Variants in FRMPD4 observed in about 807,000 individuals in gnomAD.
FRMPD4 encodes FERM and PDZ domain-containing protein 4.
In FRMPD4, 22 loss-of-function variants were observed where a neutral mutation model predicts 94.1. The ratio of observed to expected loss-of-function variants is 0.23; its 90% CI spans 0.17 to 0.33. The LOEUF (loss-of-function observed/expected upper bound fraction) is 0.33, where lower values mean the gene tolerates loss of function less well. Ranked by LOEUF, FRMPD4 falls within the 10% of genes least tolerant of loss-of-function variation. The probability of loss-of-function intolerance (pLI) is 1.00; values close to 1 mark genes in which losing one functional copy is unlikely to be tolerated. For synonymous variants in FRMPD4, 631 were observed against 548.6 expected (o/e 1.15, Z -2.10); for missense variants, 1,111 against 1,339.9 (o/e 0.83, Z 2.67).
In FRMPD4 at chrX:11,993,129, T is replaced by C. The variant is rs181104897; in HGVS notation, c.95+115111T>C. Among the ~76,000 whole-genome samples the C allele has an allele frequency of 5.9e-3, 650 of 111,002 alleles. 3 individuals carry two copies. Among genetic ancestry groups the C allele is most frequent in the Non-Finnish European group, 9.0e-3 (478 of 52,877 alleles). On this transcript the variant is annotated intron_variant, in intron 3 of 18. Transcript: ENST00000640291. ...TTAACTGGAGAGAATAGGTTATTTT[T>C]ATATCTTTTTCTAAAACATTAGGCT...
chrX:12,283,446 G>T (rs991085470), intron 1 of FRMPD4, among the ~76,000 whole-genome samples: 6 of 112,191 alleles, frequency 5.3e-5, no homozygotes, highest in African/African-American at 1.9e-4. Context: ...ATAAATTTTA[G>T]CTTAGACAAG....
At chrX:12,156,252 C>G (rs138683625) in intron 1 of FRMPD4, among the ~76,000 whole-genome samples, 1,414 of 111,453 alleles carry the variant, frequency 0.013, 4 homozygotes, top group Non-Finnish European at 0.021. Context: ...TGGATGCTAT[C>G]AATTAGGGTC....
At chrX:12,410,207 C>T (rs1017502981) in intron 1 of FRMPD4, among the ~76,000 whole-genome samples, 12 of 111,367 alleles carry the variant, frequency 1.1e-4, no homozygotes, top group Admixed American at 6.7e-4. Flanking sequence ...TCCCCCTATG[C>T]CACTCCCATT....
chrX:12,680,218 T>C (rs1279232327), intron 5 of FRMPD4, among the ~76,000 whole-genome samples: 1 of 111,862 alleles, frequency 8.9e-6, no homozygotes, highest in Non-Finnish European at 1.9e-5. Context: ...TGTACAGGGG[T>C]TGATTAGGGG....
chrX:12,205,939 G>A (rs2056687507), intron 1 of FRMPD4, among the ~76,000 whole-genome samples: 1 of 112,409 alleles, frequency 8.9e-6, no homozygotes, highest in Non-Finnish European at 1.9e-5. Flanking sequence ...ATTTGGACAT[G>A]TAAATAAGGA....
chrX:12,236,317 CA>C (rs746722172), intron 1 of FRMPD4, among the ~76,000 whole-genome samples: 18 of 111,547 alleles, frequency 1.6e-4, no homozygotes, highest in Non-Finnish European at 2.4e-4. Context: ...AACCCTCAAG[CA>C]TTATAAAAGG....
At chrX:12,441,734 G>T (rs2148123158) in intron 1 of FRMPD4, among the ~76,000 whole-genome samples, 1 of 112,114 alleles carries the variant, frequency 8.9e-6, no homozygotes, top group East Asian at 2.8e-4. Context: ...TATAGAACAA[G>T]GTCTCTCAAT....
intron 2 of FRMPD4, among the ~76,000 whole-genome samples, chrX:12,603,652 T>A (rs777630966): frequency 1.3e-4 from 14 of 111,518 alleles, no homozygotes; most frequent in African/African-American, 4.2e-4. Flanking sequence ...ATCTGTGTGT[T>A]TTTTAGAGAA....
At chrX:12,118,485 C>T (rs1420581047) in intron 3 of FRMPD4, among the ~76,000 whole-genome samples, 1 of 112,272 alleles carries the variant, frequency 8.9e-6, no homozygotes, top group Admixed American at 9.4e-5. Context: ...ATTTCCAAGT[C>T]ACCGTTGGGG....
intron 3 of FRMPD4, among the ~76,000 whole-genome samples, chrX:11,968,687 C>G (rs991830243): frequency 9.0e-6 from 1 of 111,311 alleles, no homozygotes. Context: ...TCCTGAATTC[C>G]TTAGCTTGGA....
intron 1 of FRMPD4, among the ~76,000 whole-genome samples, chrX:12,173,631 C>T (rs1031202057): frequency 1.8e-5 from 2 of 111,454 alleles, no homozygotes; most frequent in African/African-American, 6.5e-5. Flanking sequence ...GGAGGGGGCT[C>T]CTGCTCCTAT....
At chrX:11,859,236 GATAT>G (rs1331868430) in intron 1 of FRMPD4, among the ~76,000 whole-genome samples, 1 of 111,653 alleles carries the variant, frequency 9.0e-6, no homozygotes, top group Non-Finnish European at 1.9e-5. Flanking sequence ...AATTGCCCAG[GATAT>G]AAATTTTTAT....
chrX:11,889,946 G>A (rs1047859826), intron 3 of FRMPD4, among the ~76,000 whole-genome samples: 1 of 112,320 alleles, frequency 8.9e-6, no homozygotes, highest in Middle Eastern at 4.6e-3. Flanking sequence ...AGCTTTCTAA[G>A]GCTTAGGCCT....
At chrX:11,822,532 G>A (rs1425246289) in exon 1 of FRMPD4, among the ~76,000 whole-genome samples, 1 of 111,957 alleles carries the variant, frequency 8.9e-6, no homozygotes, top group African/African-American at 3.3e-5. Context: ...GTGCAAGATG[G>A]GGAAAGGATG....
chrX:11,827,766 CA>C (rs1026470506), intron 1 of FRMPD4, among the ~76,000 whole-genome samples: 2 of 111,830 alleles, frequency 1.8e-5, no homozygotes, highest in African/African-American at 3.2e-5. Context: ...ATGAAAATGC[CA>C]AAAGAGCTAC....
chrX:12,507,505 A>G (rs143139747), intron 2 of FRMPD4, among the ~76,000 whole-genome samples: 2,602 of 112,279 alleles, frequency 0.023, 39 homozygotes, highest in Non-Finnish European at 0.036. Flanking sequence ...CTACTCTAAA[A>G]CATCATCCAT....
chrX:12,176,138 A>G lies in FRMPD4; in HGVS notation c.41+37126A>G, dbSNP rs373820312. On this transcript the variant is annotated intron_variant, in intron 1 of 16. Transcript: ENST00000675598. ...GGACTATCAGCTCTTGTAAACTGGT[A>G]GGAGCCAAGCAAGCTTCAGCGCATA... Among the ~76,000 whole-genome samples the G allele has an allele frequency of 4.5e-5, 5 of 112,359 alleles. No individual in the cohort carries two copies. In the East Asian group the frequency reaches 1.1e-3, roughly 25 times the overall value.
chrX:11,883,590 T>C (rs1165694943), intron 3 of FRMPD4, among the ~76,000 whole-genome samples: 2 of 111,972 alleles, frequency 1.8e-5, no homozygotes, highest in Non-Finnish European at 3.8e-5. Flanking sequence ...AGATCACCCC[T>C]ATACACTTTG....
intron 1 of FRMPD4, among the ~76,000 whole-genome samples, chrX:12,318,626 G>C (rs2055161701): frequency 8.9e-6 from 1 of 111,987 alleles, no homozygotes; most frequent in Admixed American, 9.4e-5. Flanking sequence ...GCTGGGAAGG[G>C]TAGGAGATGG....
Sources: allele counts gnomAD v4.1 joint callset (sites outside exome capture counted in the v4.1 genomes callset), GRCh38; gene constraint gnomAD v4.1.1; transcripts MANE v1.5; gene names NCBI Gene and HGNC (gene_info 2026-07-23, HGNC 2026-07-21).